CSMD3: variants seen among roughly 807,000 people sequenced by gnomAD.
CSMD3 encodes CUB and Sushi multiple domains 3.
Under a neutral mutation model 435.2 loss-of-function variants are expected in CSMD3, and 177 were observed. The ratio of observed to expected loss-of-function variants is 0.41; its 90% CI spans 0.36 to 0.46. The LOEUF (loss-of-function observed/expected upper bound fraction) is 0.46. CSMD3 is among the 20% of genes least tolerant of loss of function. CSMD3 has a pLI of 0.34. For synonymous variants in CSMD3, 1,656 were observed against 1,520.5 expected (o/e 1.09, Z -2.07); for missense variants, 4,265 against 4,504.6 (o/e 0.95, Z 1.52).
chr8:112,784,166 T>C (rs1357632778), intron 13 of CSMD3, among the ~76,000 whole-genome samples: 1 of 151,958 alleles, frequency 6.6e-6, no homozygotes, highest in African/African-American at 2.4e-5. Flanking sequence ...AATTAAGCAA[T>C]ATGCTCCTGA....
intron 30 of CSMD3, among the ~76,000 whole-genome samples, chr8:112,502,050 A>G (rs1356949952): frequency 3.9e-5 from 6 of 152,178 alleles, no homozygotes; most frequent in African/African-American, 1.4e-4. Context: ...TTAGGGGAAT[A>G]CTAGCATGAA....
intron 32 of CSMD3, among the ~76,000 whole-genome samples, chr8:112,409,895 C>A (rs1832183436): frequency 1.3e-5 from 2 of 151,598 alleles, no homozygotes; most frequent in South Asian, 4.1e-4. Flanking sequence ...TAAAATATTT[C>A]ATTGGTAAAA....
Position 112,506,723 on chromosome 8 carries a change from A to G in CSMD3, c.4863T>C (p.Asn1621=), listed in dbSNP as rs2130930946. 1 of 1,613,750 alleles carries G rather than the reference A, an allele frequency of 6.2e-7. No individual in the cohort carries two copies. The highest frequency in any genetic ancestry group is 8.5e-7 in the Non-Finnish European group (1 of 1,179,666). ...ACGCCAAGGAGATAACATAGTCTGCATTGACGGTGATAGTCCAGTCACAGT... is the reference window on the plus strand; with the variant it reads ...ACGCCAAGGAGATAACATAGTCTGCGTTGACGGTGATAGTCCAGTCACAGT... The part of the protein sequence containing the change: ...SRDCDWTITV[N]ADYVISLAFI... The change falls in exon 29 of 71, where the codon AAT becomes AAC. Residue 1621 remains asparagine, a synonymous_variant. Coordinates refer to ENST00000297405, the MANE Select transcript of CSMD3 (RefSeq NM_198123.2).
intron 66 of CSMD3, among the ~76,000 whole-genome samples, chr8:112,239,861 T>C (rs1813952260): frequency 6.6e-6 from 1 of 152,072 alleles, no homozygotes; most frequent in Non-Finnish European, 1.5e-5. Flanking sequence ...TCTTCTACTG[T>C]TTTGGGCGGT....
chr8:112,352,433 G>C lies in CSMD3; in HGVS notation c.6238C>G (p.Gln2080Glu), dbSNP rs1330987768. 2.5e-6 allele frequency: 4 copies of C among 1,613,396 alleles called. No individual in the cohort carries two copies. In the South Asian group the frequency reaches 4.4e-5, roughly 18 times the overall value. ...VGDVVSFQCDQGYSLQGHSHI... is the reference protein window; with the variant it reads ...VGDVVSFQCDEGYSLQGHSHI... ...AGACTTACCTGAAGAGAATATCCTT[G>C]ATCACACTGAAAGGATACTACATCT... The change falls in exon 39 of 71, where the codon CAA becomes GAA. Residue 2080 changes from glutamine to glutamate, a missense_variant. Gln to Glu is a conservative substitution (Grantham distance 29). Transcript: ENST00000297405.
At chr8:112,313,694 C>T (rs563271619) in intron 49 of CSMD3, among the ~76,000 whole-genome samples, 2 of 151,484 alleles carry the variant, frequency 1.3e-5, no homozygotes, top group African/African-American at 2.4e-5. Context: ...ATCCTAAATG[C>T]TTTTTTAGGA....
At chr8:112,257,040 G>A (rs1228726908) in intron 61 of CSMD3, among the ~76,000 whole-genome samples, 5 of 152,094 alleles carry the variant, frequency 3.3e-5, no homozygotes, top group African/African-American at 7.2e-5. Flanking sequence ...AAGACTACAC[G>A]ATAAACTTGG....
intron 11 of CSMD3, among the ~76,000 whole-genome samples, chr8:112,852,935 TAAATAAATAAATAGCAAGTGTTGTTCTG>T (rs1390254466): frequency 6.6e-6 from 1 of 151,710 alleles, no homozygotes; most frequent in Non-Finnish European, 1.5e-5. Context: ...AATAAATAAA[TAAATAAATAAATAGCAAGTGTTGTTCTG>T]ATTATATTAA....
intron 3 of CSMD3, among the ~76,000 whole-genome samples, chr8:113,266,691 G>A (rs1181352646): frequency 6.6e-6 from 1 of 151,476 alleles, no homozygotes; most frequent in Non-Finnish European, 1.5e-5. Flanking sequence ...TTATATTTCT[G>A]AATTAAAATG....
At chr8:112,649,443 TAGTA>T (rs2075065839) in intron 19 of CSMD3, among the ~76,000 whole-genome samples, 1 of 152,160 alleles carries the variant, frequency 6.6e-6, no homozygotes. Context: ...CTTCAAGAAA[TAGTA>T]AGTGTAGAAT....
At position 113,069,495 on chromosome 8, in the gene CSMD3, C is replaced by CT. The variant is rs567013434; in HGVS notation, c.917+29260dup. ...TAGATAATTTAAAGTAATTTAAACA[C>CT]TTTTTAACTGTTAGAATTCTGTTTG... On this transcript the variant is annotated intron_variant, in intron 5 of 70. Transcript: ENST00000297405. Among the ~76,000 whole-genome samples the CT allele has an allele frequency of 6.8e-3, 1,036 of 152,138 alleles. 12 individuals are homozygous for CT. The highest frequency in any genetic ancestry group is 0.024 in the African/African-American group (996 of 41,506).
At chr8:113,091,542 C>T (rs1052973021) in intron 5 of CSMD3, among the ~76,000 whole-genome samples, 1 of 151,868 alleles carries the variant, frequency 6.6e-6, no homozygotes, top group South Asian at 2.1e-4. Context: ...TCTAGATTTT[C>T]CAATTTATTG....
chr8:113,149,834 A>G lies in CSMD3; in HGVS notation c.709+23888T>C, dbSNP rs112583453. 5.3e-3 allele frequency among the ~76,000 whole-genome samples: 806 copies of G among 152,116 alleles called. 11 individuals are homozygous for G. The highest frequency in any genetic ancestry group is 0.019 in the African/African-American group (779 of 41,568). ...CCATCTGTGAGCTGAATCAAGTTCC[A>G]ATAGCAAATGCATGCCATCAATACA... On this transcript the variant is annotated intron_variant, in intron 4 of 70. Coordinates refer to ENST00000297405, the MANE Select transcript of CSMD3 (RefSeq NM_198123.2).
intron 13 of CSMD3, among the ~76,000 whole-genome samples, chr8:112,755,406 A>C (rs1199956792): frequency 1.3e-5 from 2 of 151,072 alleles, no homozygotes; most frequent in Non-Finnish European, 3.0e-5. Context: ...TTCTCATGAT[A>C]GTGACTTCTC....
chr8:113,028,734 T>C (rs1249400055), intron 5 of CSMD3, among the ~76,000 whole-genome samples: 10 of 151,442 alleles, frequency 6.6e-5, no homozygotes, highest in Admixed American at 5.3e-4. Flanking sequence ...ATTCCATGAA[T>C]ACTAAGATAA....
chr8:112,455,473 T>A (rs187383746), intron 32 of CSMD3, among the ~76,000 whole-genome samples: 46 of 152,256 alleles, frequency 3.0e-4, no homozygotes, highest in African/African-American at 1.1e-3. Context: ...GTTTAGTACC[T>A]GGCTGACAGG....
At chr8:112,744,751 C>A (rs1206238366) in intron 13 of CSMD3, among the ~76,000 whole-genome samples, 1 of 151,930 alleles carries the variant, frequency 6.6e-6, no homozygotes, top group Non-Finnish European at 1.5e-5. Flanking sequence ...GAAGAAAAGT[C>A]AGCTAAACAA....
intron 30 of CSMD3, among the ~76,000 whole-genome samples, chr8:112,496,852 ATAAT>A (rs1381995048): frequency 1.3e-5 from 2 of 152,076 alleles, no homozygotes; most frequent in Non-Finnish European, 2.9e-5. Context: ...GTACAAAAAA[ATAAT>A]TAAAAAGAAT....
intron 13 of CSMD3, among the ~76,000 whole-genome samples, chr8:112,716,497 C>A (rs1279533831): frequency 6.6e-6 from 1 of 152,138 alleles, no homozygotes; most frequent in Non-Finnish European, 1.5e-5. Flanking sequence ...AGCCATGCTG[C>A]CCAAAGTAAT....
Sources: gnomAD v4.1 joint callset for allele counts (sites outside exome capture counted in the v4.1 genomes callset) on GRCh38, gnomAD v4.1.1 for gene constraint, MANE v1.5 for transcripts, NCBI Gene and HGNC (gene_info 2026-07-23, HGNC 2026-07-21) for gene names.